The following NXN variants were observed in gnomAD, a reference collection of about 807,000 sequenced individuals.
NXN encodes nucleoredoxin 1.
Under a neutral mutation model 48.6 loss-of-function variants are expected in NXN, and 16 were observed. The ratio of observed to expected loss-of-function variants is 0.33; its 90% confidence interval spans 0.22 to 0.50. The LOEUF is 0.50. NXN is among the 20% of genes least tolerant of loss of function. NXN has a pLI of 0.98. For missense variants in NXN, 492 were observed against 605.5 expected (o/e 0.81, Z 1.97); for synonymous variants, 281 against 269.6 (o/e 1.04, Z -0.41).
chr17:802,352 T>C (rs1182003066), intron 7 of NXN, among the ~76,000 whole-genome samples: 1 of 152,126 alleles, frequency 6.6e-6, no homozygotes. Flanking sequence ...GCAAACTGCC[T>C]TGGAGCAGCC....
rs1194587175 is a variant in NXN at position 979,770 on chromosome 17, G to A, written c.-92C>T. On this transcript the variant is annotated 5_prime_UTR_variant, in exon 1 of 8. Transcript: ENST00000336868. The stretch of plus-strand genomic sequence containing the variant: ...CGGCGGCGTCGGCGGCAGGCGCTGG[G>A]GAGAGCAGAGCCCGGCCCAGTAGGG... 13 of 1,095,366 alleles carry A rather than the reference G, an allele frequency of 1.2e-5. No homozygotes were observed. The highest frequency in any genetic ancestry group is 3.5e-4 in the Middle Eastern group (1 of 2,826). The allele number at this position is 1,095,366 out of a possible 1,614,324, so 67.9% of individuals were successfully genotyped here.
At chr17:959,747 T>C (rs2150627466) in intron 1 of NXN, among the ~76,000 whole-genome samples, 1 of 148,568 alleles carries the variant, frequency 6.7e-6, no homozygotes. Flanking sequence ...TGATCTTAGA[T>C]CGCGCCACCA....
chr17:842,991 AGAAAGAG>A (rs1914431336), intron 1 of NXN, among the ~76,000 whole-genome samples: 222 of 109,564 alleles, frequency 2.0e-3, no homozygotes, highest in African/African-American at 8.5e-3. Flanking sequence ...AGAGAAAGAG[AGAAAGAG>A]AGAAAGAGAG....
At chr17:959,004 T>C in intron 1 of NXN, 1 of 224,436 alleles carries the variant, frequency 4.5e-6, no homozygotes, top group Non-Finnish European at 8.8e-6. Context: ...CAAGAAAGAA[T>C]CATGCGGATG....
intron 4 of NXN, among the ~76,000 whole-genome samples, chr17:820,455 C>CA (rs35298882): frequency 0.67 from 99,564 of 149,126 alleles, 33,992 homozygotes; most frequent in African/African-American, 0.81. Context: ...ACTAAAAATA[C>CA]AAAAAAATTA....
chr17:912,529 A>G (rs978871139), intron 1 of NXN, among the ~76,000 whole-genome samples: 2 of 152,110 alleles, frequency 1.3e-5, no homozygotes. Context: ...TAATAATCAC[A>G]TATTTCAAAA....
chr17:834,624 A>G (rs1471192367), intron 1 of NXN, among the ~76,000 whole-genome samples: 5 of 151,832 alleles, frequency 3.3e-5, no homozygotes, highest in Non-Finnish European at 7.4e-5. Flanking sequence ...TGACCTTATG[A>G]TCCGCCCACC....
In NXN at chr17:801,003, C is replaced by T. The variant is rs766011588; in HGVS notation, c.1254G>A (p.Val418=). 22 of 1,563,234 alleles carry T rather than the reference C, an allele frequency of 1.4e-5. No homozygotes were observed. Among genetic ancestry groups the T allele is most frequent in the Non-Finnish European group, 1.7e-5 (20 of 1,152,752 alleles). Residue 418 remains valine, a synonymous_variant, in exon 8 of 8, where the codon GTG becomes GTA. Transcript: ENST00000336868. ...MDVEEITPAI[V]EAFVNDFLAE... is the part of the protein sequence containing the mutation. ...CTAGGAAGTCATTCACAAAGGCCTC[C>T]ACGATGGCGGGGGTGATCTCCTCCA... is the stretch of plus-strand genomic sequence containing the variant.
At chr17:814,952 G>C (rs1363979837) in intron 5 of NXN, among the ~76,000 whole-genome samples, 2 of 152,170 alleles carry the variant, frequency 1.3e-5, no homozygotes, top group Non-Finnish European at 2.9e-5. Context: ...TTTTAGTAGA[G>C]ATGGGGTTTC....
chr17:866,134 G>C (rs1039732364), intron 1 of NXN, among the ~76,000 whole-genome samples: 1 of 152,144 alleles, frequency 6.6e-6, no homozygotes, highest in Admixed American at 6.5e-5. Context: ...TGCTGTTATT[G>C]CAACAATTAA....
intron 1 of NXN, among the ~76,000 whole-genome samples, chr17:879,539 G>A (rs1422643612): frequency 3.3e-5 from 5 of 151,914 alleles, no homozygotes; most frequent in South Asian, 2.1e-4. Flanking sequence ...CACCCGCCTC[G>A]GCCTCCCAAA....
In NXN at chr17:851,260, C is replaced by T. The variant is rs575375416; in HGVS notation, c.361-25182G>A. On this transcript the variant is annotated intron_variant, in intron 1 of 7. Coordinates refer to ENST00000336868, the MANE Select transcript of NXN (RefSeq NM_022463.5). Reference sequence around the variant, plus strand: ...AGCCTGAGCTCCGCTTGCCACTTGGCTCCAGCTCCACCCAAAGTTCCCCGG... The same window carrying T: ...AGCCTGAGCTCCGCTTGCCACTTGGTTCCAGCTCCACCCAAAGTTCCCCGG... Among the ~76,000 whole-genome samples the T allele has an allele frequency of 7.2e-5, 11 of 152,362 alleles. 1 individual carries two copies. The South Asian group carries it at 2.3e-3, about 32-fold the overall frequency.
In NXN at chr17:971,330, G is replaced by A. The variant is rs550326730; in HGVS notation, c.360+7989C>T. Among the ~76,000 whole-genome samples the A allele has an allele frequency of 3.9e-5, 6 of 152,242 alleles. No individual in the cohort carries two copies. The South Asian group carries it at 6.2e-4, about 16-fold the overall frequency. ...CCTATTTTTGAGCACAGAATCACAC[G>A]GCAATCCAGTTGCACAAGAAGCTGC... On this transcript the variant is annotated intron_variant, in intron 1 of 7. Coordinates refer to ENST00000336868, the MANE Select transcript of NXN (RefSeq NM_022463.5).
At chr17:867,593 A>G (rs1357274152) in intron 1 of NXN, among the ~76,000 whole-genome samples, 2 of 152,210 alleles carry the variant, frequency 1.3e-5, no homozygotes, top group East Asian at 3.8e-4. Flanking sequence ...ACTTGTGGTT[A>G]ATAAGAGAAA....
chr17:972,753 C>T (rs901826619), intron 1 of NXN, among the ~76,000 whole-genome samples: 13 of 152,192 alleles, frequency 8.5e-5, no homozygotes, highest in Non-Finnish European at 1.8e-4. Flanking sequence ...GAATCAGGGC[C>T]GGGTGCGGTG....
At chr17:899,340 A>G (rs918598209) in intron 1 of NXN, among the ~76,000 whole-genome samples, 4 of 152,146 alleles carry the variant, frequency 2.6e-5, no homozygotes, top group Non-Finnish European at 5.9e-5. Flanking sequence ...CCATCTATCC[A>G]TCCATTAATT....
intron 1 of NXN, among the ~76,000 whole-genome samples, chr17:835,106 A>G (rs1366031088): frequency 1.3e-5 from 2 of 151,352 alleles, no homozygotes; most frequent in African/African-American, 4.8e-5. Context: ...CAGGAGATCG[A>G]GACCATCCTG....
intron 1 of NXN, among the ~76,000 whole-genome samples, chr17:953,045 T>C (rs12936810): frequency 0.063 from 9,618 of 152,166 alleles, 440 homozygotes; most frequent in Non-Finnish European, 0.093. Context: ...CACTTCAAGG[T>C]GGTCCCTGGA....
rs1338877255 is a variant in NXN at position 922,460 on chromosome 17, GAA to G, written c.360+56857_360+56858del. Reference sequence around the variant, plus strand: ...ACTCCGTCTCAAAAAAAGAAAAAAAGAAAAGTGTGAGAACCATTAGTTGGAAA... The same window carrying G: ...ACTCCGTCTCAAAAAAAGAAAAAAAGAAGTGTGAGAACCATTAGTTGGAAA... On this transcript the variant is annotated intron_variant, in intron 1 of 7. Transcript: ENST00000336868. Among the ~76,000 whole-genome samples, 6 of 152,102 alleles carry G rather than the reference GAA, an allele frequency of 3.9e-5. No homozygotes were observed. In the East Asian group the frequency reaches 1.2e-3, roughly 30 times the overall value.
Sources: gnomAD v4.1 joint callset for allele counts (sites outside exome capture counted in the v4.1 genomes callset) on GRCh38, gnomAD v4.1.1 for gene constraint, MANE v1.5 for transcripts, NCBI Gene and HGNC (gene_info 2026-07-23, HGNC 2026-07-21) for gene names.